Variants in MYO5B observed in about 807,000 individuals in gnomAD.
MYO5B encodes myosin VB.
In MYO5B, 143 loss-of-function variants were observed where a neutral mutation model predicts 229.3. That is an observed-to-expected ratio of 0.62 (90% CI 0.54 to 0.72). The LOEUF (loss-of-function observed/expected upper bound fraction) is 0.72, where lower values mean the gene tolerates loss of function less well. MYO5B is among the 30% of genes least tolerant of loss of function. The pLI, the probability that MYO5B is intolerant of heterozygous loss-of-function variation, is 0.00. For missense variants in MYO5B, 2,321 were observed against 2,331.0 expected (o/e 1.00, Z 0.09); for synonymous variants, 918 against 885.2 (o/e 1.04, Z -0.66).
intron 1 of MYO5B, among the ~76,000 whole-genome samples, chr18:50,077,924 T>C (rs889453046): frequency 2.0e-5 from 3 of 152,188 alleles, no homozygotes; most frequent in Non-Finnish European, 4.4e-5. Flanking sequence ...GAACTGGAAA[T>C]TCCACACAAG....
intron 9 of MYO5B, among the ~76,000 whole-genome samples, chr18:49,977,595 C>T (rs969850343): frequency 6.6e-6 from 1 of 152,156 alleles, no homozygotes; most frequent in Admixed American, 6.5e-5. Flanking sequence ...GCAGTCTCCT[C>T]CCCAAGGACT....
rs912874371 is a variant in MYO5B, at chr18:49,839,368, A to G, written c.4702-74T>C. 5.8e-6 allele frequency: 9 copies of G among 1,564,040 alleles called. No individual in the cohort carries two copies. In the East Asian group the frequency reaches 1.8e-4, roughly 31 times the overall value. ...CAGCACAACTTCCAGGGCTCTGGTA[A>G]CTTTAGTCATCTATTTGGTGGGCAG... is the stretch of plus-strand genomic sequence containing the variant. On this transcript the variant is annotated intron_variant, in intron 35 of 39. Coordinates refer to ENST00000285039, the MANE Select transcript of MYO5B (RefSeq NM_001080467.3).
intron 36 of MYO5B, among the ~76,000 whole-genome samples, 190 bp downstream of exon 36, chr18:49,838,954 T>C (rs1246266757): frequency 2.0e-5 from 3 of 152,240 alleles, no homozygotes; most frequent in East Asian, 1.9e-4. Flanking sequence ...CCTCTTGCAC[T>C]GTGTCAAATA....
intron 1 of MYO5B, among the ~76,000 whole-genome samples, chr18:50,093,884 CT>C (rs2031499294): frequency 6.6e-6 from 1 of 152,220 alleles, no homozygotes; most frequent in Non-Finnish European, 1.5e-5. Context: ...GATGAACCCT[CT>C]GGTTCTGGGA....
intron 27 of MYO5B, 84 bp from the exon 28 acceptor site, chr18:49,864,464 T>A: frequency 6.4e-7 from 1 of 1,566,998 alleles, no homozygotes; most frequent in Non-Finnish European, 8.7e-7. Context: ...TCCCCTTCTT[T>A]TGTCCACTGG....
At chr18:50,166,674 C>T (rs1375700363) in intron 1 of MYO5B, among the ~76,000 whole-genome samples, 1 of 152,140 alleles carries the variant, frequency 6.6e-6, no homozygotes, top group East Asian at 1.9e-4. Flanking sequence ...CACCCCCCGC[C>T]TACCAAAAGA....
chr18:50,165,266 T>G (rs2032829011), intron 1 of MYO5B, among the ~76,000 whole-genome samples: 1 of 151,676 alleles, frequency 6.6e-6, no homozygotes, highest in African/African-American at 2.4e-5. Context: ...GAGGATCACT[T>G]GAGTCCAGGA....
intron 16 of MYO5B, among the ~76,000 whole-genome samples, chr18:49,935,443 T>C (rs1024341016): frequency 6.6e-6 from 1 of 151,902 alleles, no homozygotes; most frequent in African/African-American, 2.4e-5. Context: ...AGAGAACTTC[T>C]AGTATGGGAG....
chr18:50,090,134 A>G lies in MYO5B; in HGVS notation c.28-34756T>C, dbSNP rs544772220. Among the ~76,000 whole-genome samples, 7 of 152,150 alleles carry G rather than the reference A, an allele frequency of 4.6e-5. No homozygotes were observed. In the East Asian group the frequency reaches 9.7e-4, roughly 21 times the overall value. ...TGCCTATTAAATTATCCACTCCTTA[A>G]AACTACTCCACATAAGTCCATGTTG... On this transcript the variant is annotated intron_variant, in intron 1 of 39. Coordinates refer to ENST00000285039, the MANE Select transcript of MYO5B (RefSeq NM_001080467.3).
chr18:50,174,517 C>G (rs1424289406), intron 1 of MYO5B, among the ~76,000 whole-genome samples: 1 of 152,204 alleles, frequency 6.6e-6, no homozygotes, highest in Non-Finnish European at 1.5e-5. Context: ...CCTCTTTGTC[C>G]TCCCTACCTC....
intron 17 of MYO5B, among the ~76,000 whole-genome samples, chr18:49,928,051 C>T (rs1466092069): frequency 6.6e-6 from 1 of 151,850 alleles, no homozygotes; most frequent in African/African-American, 2.4e-5. Context: ...AGAAAAAAAA[C>T]CATCCCGTCA....
At chr18:49,923,329 C>T (rs974048930) in intron 17 of MYO5B, among the ~76,000 whole-genome samples, 2 of 152,180 alleles carry the variant, frequency 1.3e-5, no homozygotes. Context: ...TCTTTCATTC[C>T]CTCCCAGGAA....
At chr18:50,177,921 C>T (rs187633487) in intron 1 of MYO5B, among the ~76,000 whole-genome samples, 1 of 152,362 alleles carries the variant, frequency 6.6e-6, no homozygotes, top group African/African-American at 2.4e-5. Context: ...AGGGGTGCCA[C>T]AGCCCATCCT....
chr18:49,902,667 G>A lies in MYO5B; in HGVS notation c.2738C>T (p.Ala913Val). 1.2e-6 allele frequency: 2 copies of A among 1,613,194 alleles called. No homozygotes were observed. Among genetic ancestry groups the A allele is most frequent in the Non-Finnish European group, 1.7e-6 (2 of 1,180,026 alleles). The change falls in exon 21 of 40, where the codon GCA becomes GTA. Residue 913 changes from alanine to valine, a missense_variant. This residue lies in a region of MYO5B where 2,113 missense variants were observed against 2,044.7 expected (regional missense o/e 1.03). Coordinates refer to ENST00000285039, the MANE Select transcript of MYO5B (RefSeq NM_001080467.3). ...CACGTTGAGACGTTTCAGATGCTCT[G>A]CTGAGCGGGCCTCAATCCTGAGGGC... ...LKALRIEARS[A>V]EHLKRLNVGM...
At position 50,092,729 on chromosome 18, in the gene MYO5B, A is replaced by G. The variant is rs538964361; in HGVS notation, c.28-37351T>C. 5.3e-5 allele frequency among the ~76,000 whole-genome samples: 8 copies of G among 152,302 alleles called. No homozygotes were observed. In the East Asian group the frequency reaches 1.2e-3, roughly 22 times the overall value. On this transcript the variant is annotated intron_variant, in intron 1 of 39. Transcript: ENST00000285039. ...TGCCAGTAACATACTAGTGCCCAAA[A>G]TGGAACTGAAGGGGAAGAGGAAATG...
intron 17 of MYO5B, among the ~76,000 whole-genome samples, chr18:49,920,139 G>T (rs182096103): frequency 6.6e-6 from 1 of 152,180 alleles, no homozygotes; most frequent in Non-Finnish European, 1.5e-5. Flanking sequence ...GTAGGTTAGC[G>T]CTTGCCAGGG....
intron 1 of MYO5B, among the ~76,000 whole-genome samples, chr18:50,176,231 T>C (rs1247611897): frequency 6.6e-6 from 1 of 152,178 alleles, no homozygotes; most frequent in Non-Finnish European, 1.5e-5. Context: ...AGCACCCAAA[T>C]TACCCTTGGA....
At chr18:50,027,620 C>A (rs1221855895) in intron 4 of MYO5B, among the ~76,000 whole-genome samples, 2 of 152,150 alleles carry the variant, frequency 1.3e-5, no homozygotes, top group Non-Finnish European at 2.9e-5. Flanking sequence ...ACTTAGTACA[C>A]ATGAACACTT....
At chr18:50,043,292 T>A (rs1433432586) in intron 2 of MYO5B, among the ~76,000 whole-genome samples, 26 of 82,750 alleles carry the variant, frequency 3.1e-4, no homozygotes, top group South Asian at 2.3e-3. Flanking sequence ...ATTTATATAT[T>A]ATATATAATA....
Sources: gnomAD v4.1 joint callset for allele counts (sites outside exome capture counted in the v4.1 genomes callset) on GRCh38, gnomAD v4.1.1 for gene constraint, gnomAD v4.1.1 regional missense constraint, MANE v1.5 for transcripts, NCBI Gene and HGNC (gene_info 2026-07-23, HGNC 2026-07-21) for gene names.